The following FYB2 variants were observed in gnomAD, a reference collection of about 807,000 sequenced individuals.
FYB2 encodes FYN binding protein 2, also known as FYN-binding protein 2.
In FYB2, 103 loss-of-function variants were observed where a neutral mutation model predicts 94.1. The ratio of observed to expected loss-of-function variants is 1.09; its 90% CI spans 0.93 to 1.29. FYB2 has a LOEUF of 1.29. Among genes scored for constraint, FYB2 ranks in the 50% most tolerant of loss-of-function variants. The pLI is 0.00. For synonymous variants in FYB2, 293 were observed against 287.9 expected (o/e 1.02, Z -0.18); for missense variants, 896 against 841.5 (o/e 1.06, Z -0.80).
chr1:56,790,238 C>T (rs1646229783), intron 2 of FYB2, among the ~76,000 whole-genome samples: 1 of 152,208 alleles, frequency 6.6e-6, no homozygotes, highest in Non-Finnish European at 1.5e-5. Context: ...CTCTCCTCCA[C>T]AAGCTGGAAG....
chr1:56,787,223 G>C lies in FYB2; in HGVS notation c.920-15C>G. On this transcript the variant is annotated splice_polypyrimidine_tract_variant and intron_variant, in intron 3 of 19. Transcript: ENST00000343433. Reference sequence around the variant, plus strand: ...TTCCACAGTCACTGCAAGAGAAAGAGGCGGAATGAAAAAGAGGCATTTGCA... The same window carrying C: ...TTCCACAGTCACTGCAAGAGAAAGACGCGGAATGAAAAAGAGGCATTTGCA... 1 of 1,613,842 alleles carries C rather than the reference G, an allele frequency of 6.2e-7. No homozygotes were observed. Among genetic ancestry groups the C allele is most frequent in the Non-Finnish European group, 8.5e-7 (1 of 1,179,814 alleles).
chr1:56,735,710 C>T (rs1293916749), intron 15 of FYB2, among the ~76,000 whole-genome samples: 3 of 152,054 alleles, frequency 2.0e-5, no homozygotes, highest in Admixed American at 2.0e-4. Flanking sequence ...TTCCCCTTCA[C>T]TTTCTCTTCT....
chr1:56,800,143 CA>C (rs1253999298), intron 1 of FYB2, among the ~76,000 whole-genome samples: 3 of 152,166 alleles, frequency 2.0e-5, no homozygotes, highest in Admixed American at 1.3e-4. Flanking sequence ...TATGTAAACT[CA>C]AAATCCAAGG....
Position 56,726,574 on chromosome 1 carries a change from A to T in FYB2, c.1803T>A (p.Asp601Glu), listed in dbSNP as rs766650834. The T allele has an allele frequency of 3.7e-6, 6 of 1,610,264 alleles. No homozygotes were observed. Among genetic ancestry groups the T allele is most frequent in the Non-Finnish European group, 5.1e-6 (6 of 1,177,784 alleles). The part of the protein sequence containing the change: ...DLSEKESKDE[D>E]KLKMWKPKFL... ...ACTTGGGCTTCCACATTTTCAGTTT[A>T]TCTTCATCTCTGAGGAGAAATATAT... Residue 601 changes from aspartate to glutamate, a missense_variant, in exon 16 of 20, where the codon GAT becomes GAA. Transcript: ENST00000343433.
intron 1 of FYB2, among the ~76,000 whole-genome samples, chr1:56,798,993 C>T (rs1225966938): frequency 6.6e-6 from 1 of 152,202 alleles, no homozygotes; most frequent in Non-Finnish European, 1.5e-5. Context: ...GCTGTAACCT[C>T]CTCTTCTTGG....
chr1:56,751,295 G>A (rs1645192906), intron 8 of FYB2, 92 bp from the exon 9 acceptor site: 2 of 1,233,124 alleles, frequency 1.6e-6, no homozygotes, highest in South Asian at 1.6e-5. Flanking sequence ...CATTCCTCAT[G>A]GATAACAATT....
chr1:56,723,440 A>C (rs556624820), intron 17 of FYB2, 148 bp downstream of exon 17: 11 of 502,780 alleles, frequency 2.2e-5, no homozygotes, highest in East Asian at 2.1e-4. Context: ...TACCAGGAAA[A>C]AATAGGAATG....
intron 1 of FYB2, among the ~76,000 whole-genome samples, chr1:56,804,784 G>A (rs1359509373): frequency 6.6e-6 from 1 of 152,008 alleles, no homozygotes; most frequent in Non-Finnish European, 1.5e-5. Flanking sequence ...GTTCAATCAC[G>A]CCACTCCTCT....
At chr1:56,763,773 CTAT>C (rs1645556867) in intron 5 of FYB2, among the ~76,000 whole-genome samples, 1 of 151,492 alleles carries the variant, frequency 6.6e-6, no homozygotes, top group Admixed American at 6.6e-5. Flanking sequence ...CTGATTTTCT[CTAT>C]TGTTTTTTGT....
At chr1:56,754,069 G>GCCTTTGCTGAC in intron 7 of FYB2, 134 bp from the exon 8 acceptor site, 1 of 628,530 alleles carries the variant, frequency 1.6e-6, no homozygotes, top group Admixed American at 2.8e-5. Flanking sequence ...TAGATGAAGG[G>GCCTTTGCTGAC]ACTAGGATCA....
At chr1:56,783,451 T>C (rs1487411775) in intron 4 of FYB2, among the ~76,000 whole-genome samples, 4 of 152,178 alleles carry the variant, frequency 2.6e-5, no homozygotes, top group African/African-American at 9.6e-5. Context: ...TATGTATATA[T>C]AGAAATACAG....
chr1:56,779,817 G>A (rs1210273093), intron 4 of FYB2, among the ~76,000 whole-genome samples: 2 of 152,140 alleles, frequency 1.3e-5, no homozygotes, highest in African/African-American at 4.8e-5. Context: ...ATCTCCAAAA[G>A]CACTTCATGG....
chr1:56,824,115 A>G (rs1280739313), upstream of FYB2: 1 of 152,244 alleles, frequency 6.6e-6, no homozygotes. Flanking sequence ...TAGGAGTGGT[A>G]GGTCTCTCCA....
chr1:56,768,017 G>T, intron 4 of FYB2, 79 bp from the exon 5 acceptor site: 1 of 1,118,976 alleles, frequency 8.9e-7, no homozygotes, highest in Non-Finnish European at 1.3e-6. Context: ...TTCCTCATTA[G>T]AGAAATAATA....
chr1:56,790,335 A>G (rs1270024386), intron 2 of FYB2, among the ~76,000 whole-genome samples: 1 of 152,218 alleles, frequency 6.6e-6, no homozygotes, highest in Non-Finnish European at 1.5e-5. Flanking sequence ...TTAGGCTTGA[A>G]TTACAAGTAG....
intron 4 of FYB2, among the ~76,000 whole-genome samples, chr1:56,769,409 T>C (rs1645701201): frequency 6.6e-6 from 1 of 152,004 alleles, no homozygotes; most frequent in South Asian, 2.1e-4. Flanking sequence ...ATAGAAAATA[T>C]TTAAAAAGAA....
chr1:56,719,516 GT>G lies in FYB2; in HGVS notation c.*154del. The G allele has an allele frequency of 1.6e-6, 1 of 626,320 alleles. No individual in the cohort carries two copies. The highest frequency in any genetic ancestry group is 2.7e-6 in the Non-Finnish European group (1 of 375,750). 38.8% of individuals were successfully genotyped at this position (626,320 alleles called of 1,614,324 possible). A position where few individuals can be genotyped will look rare whatever the true frequency, so the allele number is the denominator to read the frequency against. On this transcript the variant is annotated 3_prime_UTR_variant, in exon 20 of 20. Coordinates refer to ENST00000343433, the MANE Select transcript of FYB2 (RefSeq NM_001004303.5). ...ACCAACATCTAAATGTTGAGGATTT[GT>G]TTTTATTTTTCTCTTTTAAGTTCAG...
intron 13 of FYB2, among the ~76,000 whole-genome samples, chr1:56,740,301 T>A (rs538514289): frequency 2.5e-4 from 38 of 152,100 alleles, no homozygotes; most frequent in African/African-American, 8.7e-4. Flanking sequence ...ATAAATTAAA[T>A]ATGGAACAGT....
chr1:56,778,334 CT>C (rs1331411736), intron 4 of FYB2, among the ~76,000 whole-genome samples: 1 of 152,186 alleles, frequency 6.6e-6, no homozygotes, highest in African/African-American at 2.4e-5. Context: ...CTTTATTACT[CT>C]TTGTAACTAG....
Sources: allele counts gnomAD v4.1 joint callset (sites outside exome capture counted in the v4.1 genomes callset), GRCh38; gene constraint gnomAD v4.1.1; transcripts MANE v1.5; gene names NCBI Gene and HGNC (gene_info 2026-07-23, HGNC 2026-07-21).